The following GPATCH2 variants were observed in gnomAD, a reference collection of about 807,000 sequenced individuals.
GPATCH2 encodes G-patch domain containing 2.
In GPATCH2, 51 loss-of-function variants were observed where a neutral mutation model predicts 58.0. The ratio of observed to expected loss-of-function variants is 0.88; its 90% confidence interval spans 0.70 to 1.11. The LOEUF is 1.11. GPATCH2 is among the 50% of genes most tolerant of loss of function. The probability of loss-of-function intolerance (pLI) is 0.00; values close to 1 mark genes in which losing one functional copy is unlikely to be tolerated. For missense variants in GPATCH2, 625 were observed against 652.2 expected (o/e 0.96, Z 0.45); for synonymous variants, 222 against 218.5 (o/e 1.02, Z -0.14).
At chr1:217,513,162 C>T (rs1159870936) in intron 6 of GPATCH2, among the ~76,000 whole-genome samples, 5 of 152,028 alleles carry the variant, frequency 3.3e-5, no homozygotes, top group South Asian at 2.1e-4. Flanking sequence ...TGGTGGCACA[C>T]GCCTGTAGTC....
At chr1:217,563,921 G>C (rs1666060354) in intron 5 of GPATCH2, among the ~76,000 whole-genome samples, 1 of 151,808 alleles carries the variant, frequency 6.6e-6, no homozygotes, top group South Asian at 2.1e-4. Context: ...GCGCATGCCT[G>C]TAATCCCAAC....
intron 8 of GPATCH2, among the ~76,000 whole-genome samples, chr1:217,454,965 C>G (rs139599988): frequency 6.6e-6 from 1 of 152,228 alleles, no homozygotes; most frequent in East Asian, 1.9e-4. Flanking sequence ...TCTTTCAAAG[C>G]AGCTTTTTGT....
At position 217,447,032 on chromosome 1, in the gene GPATCH2, T is replaced by C. The variant is rs1213511423; in HGVS notation, c.1366+2217A>G. Among the ~76,000 whole-genome samples the C allele has an allele frequency of 2.0e-5, 3 of 152,336 alleles. No homozygotes were observed. In the East Asian group the frequency reaches 5.8e-4, roughly 29 times the overall value. On this transcript the variant is annotated intron_variant, in intron 9 of 9. Transcript: ENST00000366935. ...ATTGTTCTTGTACTGTTTCTGCCGC[T>C]AATGGTTGAATCAATGAAAGATAAG...
intron 8 of GPATCH2, among the ~76,000 whole-genome samples, chr1:217,458,680 CTG>C (rs1436410401): frequency 3.3e-5 from 5 of 152,034 alleles, no homozygotes; most frequent in East Asian, 3.9e-4. Flanking sequence ...AAGAAATTTT[CTG>C]TGTTTCCTAA....
At chr1:217,553,118 A>G (rs1665442567) in intron 5 of GPATCH2, among the ~76,000 whole-genome samples, 1 of 152,104 alleles carries the variant, frequency 6.6e-6, no homozygotes, top group African/African-American at 2.4e-5. Context: ...AAATAGTTAT[A>G]CGATCATTTC....
At chr1:217,547,573 G>A (rs747192419) in intron 5 of GPATCH2, among the ~76,000 whole-genome samples, 28 of 152,092 alleles carry the variant, frequency 1.8e-4, no homozygotes, top group Non-Finnish European at 3.4e-4. Flanking sequence ...ACATGCATGC[G>A]TATGTTCACT....
chr1:217,465,148 C>A (rs1406331643), intron 8 of GPATCH2, among the ~76,000 whole-genome samples: 1 of 150,910 alleles, frequency 6.6e-6, no homozygotes, highest in Admixed American at 6.6e-5. Context: ...AGGAGTGAGC[C>A]ATATGATGGA....
chr1:217,523,844 G>T (rs1346756730), intron 5 of GPATCH2, among the ~76,000 whole-genome samples: 1 of 147,164 alleles, frequency 6.8e-6, no homozygotes, highest in Non-Finnish European at 1.5e-5. Flanking sequence ...GGCTGGCCGG[G>T]CGGGGGGCTG....
At chr1:217,565,837 CAT>C (rs1019241631) in intron 5 of GPATCH2, among the ~76,000 whole-genome samples, 54 of 152,274 alleles carry the variant, frequency 3.5e-4, no homozygotes, top group African/African-American at 1.3e-3. Flanking sequence ...CGCAGTGGCT[CAT>C]GCCTGTAATC....
intron 5 of GPATCH2, among the ~76,000 whole-genome samples, chr1:217,565,016 C>A (rs1395926105): frequency 6.6e-6 from 1 of 152,100 alleles, no homozygotes; most frequent in Admixed American, 6.5e-5. Flanking sequence ...CAGTGCTGAG[C>A]ACAAAAAACA....
intron 5 of GPATCH2, among the ~76,000 whole-genome samples, chr1:217,546,407 A>G (rs1665052767): frequency 6.6e-6 from 1 of 152,182 alleles, no homozygotes; most frequent in Non-Finnish European, 1.5e-5. Flanking sequence ...TGGTACAAAA[A>G]CAGACACATA....
At chr1:217,489,853 A>C (rs1457094357) in intron 8 of GPATCH2, among the ~76,000 whole-genome samples, 1 of 152,034 alleles carries the variant, frequency 6.6e-6, no homozygotes, top group African/African-American at 2.4e-5. Context: ...CAAGAGAGAA[A>C]CTCCGTCTCA....
At chr1:217,559,354 C>T (rs1057228203) in intron 5 of GPATCH2, among the ~76,000 whole-genome samples, 3 of 151,956 alleles carry the variant, frequency 2.0e-5, no homozygotes, top group Admixed American at 6.6e-5. Context: ...CAAAAGATAC[C>T]GAGGAAAGAT....
At chr1:217,464,433 C>A (rs548491797) in intron 8 of GPATCH2, among the ~76,000 whole-genome samples, 1 of 152,168 alleles carries the variant, frequency 6.6e-6, no homozygotes, top group South Asian at 2.1e-4. Context: ...TACAGGGAGA[C>A]AAGATGAACA....
intron 5 of GPATCH2, among the ~76,000 whole-genome samples, chr1:217,571,555 C>A (rs1666540314): frequency 6.7e-6 from 1 of 150,106 alleles, no homozygotes; most frequent in South Asian, 2.1e-4. Context: ...TAAAAAGGTA[C>A]AAGGGTTTGG....
At chr1:217,587,076 T>C (rs547804441) in intron 5 of GPATCH2, among the ~76,000 whole-genome samples, 2 of 152,200 alleles carry the variant, frequency 1.3e-5, no homozygotes, top group East Asian at 3.9e-4. Context: ...TTCTGCAACT[T>C]TGGATGATTT....
chr1:217,614,785 A>C (rs536550253), intron 2 of GPATCH2, among the ~76,000 whole-genome samples: 1 of 151,950 alleles, frequency 6.6e-6, no homozygotes, highest in African/African-American at 2.4e-5. Flanking sequence ...AAAAAAAAAA[A>C]AAAAATAATA....
chr1:217,466,733 A>G (rs1403611650), intron 8 of GPATCH2, among the ~76,000 whole-genome samples: 2 of 151,648 alleles, frequency 1.3e-5, no homozygotes, highest in Non-Finnish European at 2.9e-5. Flanking sequence ...TAATTATTAG[A>G]AAAAAAAGCC....
intron 5 of GPATCH2, among the ~76,000 whole-genome samples, chr1:217,543,123 A>G (rs1664836843): frequency 6.6e-6 from 1 of 152,184 alleles, no homozygotes; most frequent in Non-Finnish European, 1.5e-5. Flanking sequence ...GAAGAGACAG[A>G]TGCCTTAGGG....
Sources: allele counts gnomAD v4.1 joint callset (sites outside exome capture counted in the v4.1 genomes callset), GRCh38; gene constraint gnomAD v4.1.1; transcripts MANE v1.5; gene names NCBI Gene and HGNC (gene_info 2026-07-23, HGNC 2026-07-21).